The following C5orf52 variants were observed in gnomAD, a reference collection of about 807,000 sequenced individuals.
The protein encoded by C5orf52 is uncharacterized protein C5orf52.
C5orf52 carries 15 observed loss-of-function variants against 16.8 expected under a neutral mutation model. That is an observed-to-expected ratio of 0.89 (90% CI 0.60 to 1.38). The LOEUF is 1.38. Among genes scored for constraint, C5orf52 ranks in the 40% most tolerant of loss-of-function variants. The pLI is 0.00. For synonymous variants in C5orf52, 83 were observed against 87.2 expected, an observed-to-expected ratio of 0.95 and a Z score of 0.27; for missense variants, 206 against 213.1, an observed-to-expected ratio of 0.97 and a Z score of 0.21.
At chr5:157,673,845 A>G (rs372516392) in intron 1 of C5orf52, among the ~76,000 whole-genome samples, 33 of 152,228 alleles carry the variant, frequency 2.2e-4, no homozygotes, top group African/African-American at 7.2e-4. Context: ...GGGTTTCACC[A>G]TCTTTGCCAG....
chr5:157,671,632 G>A lies in C5orf52; in HGVS notation c.18G>A (p.Arg6=). The A allele has an allele frequency of 1.3e-6, 2 of 1,550,460 alleles. No individual in the cohort carries two copies. The highest frequency in any genetic ancestry group is 3.3e-4 in the Middle Eastern group (2 of 5,986). The change falls in exon 1 of 3, where the codon AGG becomes AGA. Residue 6 remains arginine, a synonymous_variant. Coordinates refer to ENST00000409999, the MANE Select transcript of C5orf52 (RefSeq NM_001145132.2). MTQPT[R]PSVTCDQGSS... The stretch of plus-strand genomic sequence containing the variant: ...AAGCCGCAATGACACAGCCGACTAG[G>A]CCCTCGGTCACCTGTGACCAGGGAT...
At chr5:157,679,597 A>C (rs1319196828) in intron 2 of C5orf52, among the ~76,000 whole-genome samples, 1 of 152,194 alleles carries the variant, frequency 6.6e-6, no homozygotes, top group African/African-American at 2.4e-5. Flanking sequence ...TTGGCCTCCC[A>C]GAGTGTTGGG....
intron 1 of C5orf52, among the ~76,000 whole-genome samples, chr5:157,673,136 G>C (rs986508550): frequency 1.3e-5 from 2 of 151,736 alleles, no homozygotes; most frequent in South Asian, 2.1e-4. Context: ...TCAGGAGTTC[G>C]AGACCAGTCA....
intron 1 of C5orf52, among the ~76,000 whole-genome samples, chr5:157,673,631 T>A (rs917817120): frequency 1.3e-5 from 2 of 152,154 alleles, no homozygotes; most frequent in Admixed American, 6.5e-5. Context: ...GTTTCCACAT[T>A]TTAGAAAGAA....
At chr5:157,671,299 C>T (rs772012914), upstream of C5orf52, 61 of 362,044 alleles carry the variant, frequency 1.7e-4, no homozygotes, top group Non-Finnish European at 2.3e-4. Flanking sequence ...GCAGTCCCCA[C>T]GTCGAAGCGG....
chr5:157,675,155 G>T lies in C5orf52; in HGVS notation c.276G>T (p.Val92=). The change falls in exon 2 of 3, where the codon GTG becomes GTT. Residue 92 remains valine, a synonymous_variant. Transcript: ENST00000409999. ...TACCCAAGAGCCATTTATCTCGGGT[G>T]ATTATTCATGATAACCGCATCACAC... is the stretch of plus-strand genomic sequence containing the variant. ...KTLPKSHLSR[V]IIHDNRITQR... The T allele has an allele frequency of 6.4e-7, 1 of 1,551,284 alleles. No individual in the cohort carries two copies.
intron 2 of C5orf52, among the ~76,000 whole-genome samples, chr5:157,679,027 G>A (rs1406780868): frequency 6.6e-6 from 1 of 151,872 alleles, no homozygotes; most frequent in Non-Finnish European, 1.5e-5. Context: ...CCAGCTACTC[G>A]GGAGGCTGAG....
chr5:157,678,811 G>A (rs1056790348), intron 2 of C5orf52, among the ~76,000 whole-genome samples: 2 of 152,164 alleles, frequency 1.3e-5, no homozygotes, highest in African/African-American at 2.4e-5. Flanking sequence ...TGCTTCTTTT[G>A]GAAGTGGATC....
chr5:157,675,699 A>G (rs900387302), intron 2 of C5orf52, among the ~76,000 whole-genome samples: 3 of 151,932 alleles, frequency 2.0e-5, no homozygotes, highest in Non-Finnish European at 4.4e-5. Context: ...ACAGAGCAAG[A>G]CTCCATCTCA....
chr5:157,675,165 G>A lies in C5orf52; in HGVS notation c.286G>A (p.Asp96Asn). The change falls in exon 2 of 3, where the codon GAT becomes AAT. Residue 96 changes from aspartate (D) to asparagine (N), a missense_variant. Asp to Asn is a conservative substitution (Grantham distance 23). Transcript: ENST00000409999. ...CCATTTATCTCGGGTGATTATTCAT[G>A]ATAACCGCATCACACAACGAATCTA... ...KSHLSRVIIH[D>N]NRITQRIYEM... is the part of the protein sequence containing the mutation. The A allele has an allele frequency of 6.4e-7, 1 of 1,551,122 alleles. No homozygotes were observed. Among genetic ancestry groups the A allele is most frequent in the Non-Finnish European group, 8.7e-7 (1 of 1,146,464 alleles).
intron 2 of C5orf52, among the ~76,000 whole-genome samples, chr5:157,678,209 C>T (rs1305754533): frequency 2.6e-5 from 4 of 152,074 alleles, no homozygotes; most frequent in Non-Finnish European, 2.9e-5. Flanking sequence ...ACATTTAGTG[C>T]CCACCCTCCC....
At chr5:157,671,933 A>C in intron 1 of C5orf52, 107 bp downstream of exon 1, 2 of 687,638 alleles carry the variant, frequency 2.9e-6, no homozygotes, top group Non-Finnish European at 4.6e-6. Context: ...CCTTTTTCAC[A>C]CCCCAGGATA....
chr5:157,675,050 C>A, intron 1 of C5orf52, 42 bp from the exon 2 acceptor site: 1 of 1,379,680 alleles, frequency 7.2e-7, no homozygotes, highest in South Asian at 1.2e-5. Context: ...GCCCAGGCCC[C>A]AACCGTCTGT....
chr5:157,673,244 G>C (rs960248579), intron 1 of C5orf52, among the ~76,000 whole-genome samples: 6 of 151,968 alleles, frequency 3.9e-5, no homozygotes, highest in African/African-American at 1.4e-4. Flanking sequence ...GCCTGAGGTG[G>C]GAGGATTGCT....
At chr5:157,678,334 C>T (rs1190723401) in intron 2 of C5orf52, among the ~76,000 whole-genome samples, 1 of 152,206 alleles carries the variant, frequency 6.6e-6, no homozygotes, top group Non-Finnish European at 1.5e-5. Flanking sequence ...TCAGAATCCC[C>T]TGGAGGGCTT....
intron 2 of C5orf52, among the ~76,000 whole-genome samples, chr5:157,678,360 T>C (rs62387679): frequency 0.087 from 13,273 of 152,214 alleles, 731 homozygotes; most frequent in South Asian, 0.13. Context: ...AAAACGTACA[T>C]TCCCAGGATC....
At chr5:157,671,919 C>T (rs1759801530) in intron 1 of C5orf52, 93 bp downstream of exon 1, 7 of 890,532 alleles carry the variant, frequency 7.9e-6, no homozygotes, top group Non-Finnish European at 1.2e-5. Flanking sequence ...AGCCGGACCC[C>T]GGCCCTTTTT....
At chr5:157,679,793 T>C (rs1408625916) in intron 2 of C5orf52, 48 bp from the exon 3 acceptor site, 13 of 1,508,700 alleles carry the variant, frequency 8.6e-6, no homozygotes, top group Non-Finnish European at 1.1e-5. Flanking sequence ...AATCCTAATC[T>C]CACCTCTTTA....
intron 2 of C5orf52, among the ~76,000 whole-genome samples, chr5:157,678,948 C>CA (rs1427002222): frequency 1.3e-5 from 2 of 151,854 alleles, no homozygotes; most frequent in African/African-American, 4.8e-5. Context: ...TCCTGGCTAA[C>CA]ATGGTGAAAC....
Sources: allele counts gnomAD v4.1 joint callset (sites outside exome capture counted in the v4.1 genomes callset), GRCh38; gene constraint gnomAD v4.1.1; transcripts MANE v1.5; gene names NCBI Gene and HGNC (gene_info 2026-07-23, HGNC 2026-07-21).